Variants in EPHX3 observed in about 807,000 individuals in gnomAD.
EPHX3 encodes the protein abhydrolase domain containing 9.
A neutral mutation model predicts 40.2 loss-of-function variants in EPHX3; 39 were observed. The observed-to-expected ratio is 0.97, with a 90% confidence interval of 0.75 to 1.27. The LOEUF is 1.27. Ranked by LOEUF, EPHX3 falls within the 50% of genes most tolerant of loss-of-function variation. The pLI, the probability that EPHX3 is intolerant of heterozygous loss-of-function variation, is 0.00. For synonymous variants in EPHX3, 213 were observed against 209.7 expected, an observed-to-expected ratio of 1.02 and a Z score of -0.14; for missense variants, 442 against 474.0, an observed-to-expected ratio of 0.93 and a Z score of 0.63.
Position 15,228,032 on chromosome 19 carries a change from G to C in EPHX3, c.685C>G (p.Leu229Val). Residue 229 changes from leucine (L) to valine (V), a missense_variant, in exon 5 of 7, where the codon CTG becomes GTG. Physicochemically the swap from Leu to Val is conservative, Grantham distance 32 (BLOSUM62 1). Transcript: ENST00000221730. Reference sequence around the variant, plus strand: ...GACATAGACAGCAGCTTCTCGGGCAGCCAGGGCAGCTGGAACAGGAACATG... The same window carrying C: ...GACATAGACAGCAGCTTCTCGGGCACCCAGGGCAGCTGGAACAGGAACATG... ...HYMFLFQLPWLPEKLLSMSDF... is the reference protein window; with the variant it reads ...HYMFLFQLPWVPEKLLSMSDF... 1 of 1,585,566 alleles carries C rather than the reference G, an allele frequency of 6.3e-7. No homozygotes were observed. Among genetic ancestry groups the C allele is most frequent in the Non-Finnish European group, 8.6e-7 (1 of 1,162,966 alleles).
chr19:15,236,403 T>C (rs2047192204), upstream of EPHX3: 2 of 151,976 alleles, frequency 1.3e-5, no homozygotes, highest in Non-Finnish European at 1.5e-5. Context: ...GATGTAGACT[T>C]ATATCTAAGA....
intron 4 of EPHX3, among the ~76,000 whole-genome samples, chr19:15,229,366 G>T (rs2145481079): frequency 6.6e-6 from 1 of 152,014 alleles, no homozygotes; most frequent in South Asian, 2.1e-4. Context: ...TTGGGAGGCT[G>T]AGGCCGGCAG....
At chr19:15,229,391 G>T (rs1293822235) in intron 4 of EPHX3, among the ~76,000 whole-genome samples, 1 of 151,850 alleles carries the variant, frequency 6.6e-6, no homozygotes, top group Non-Finnish European at 1.5e-5. Context: ...CTTGAGCCCA[G>T]GAGTTCAAGA....
rs143850888 is a variant in EPHX3 at position 15,227,641 on chromosome 19, C to T, written c.879G>A (p.Gln293=). 1.9e-4 allele frequency: 307 copies of T among 1,614,070 alleles called. No individual in the cohort carries two copies. The African/African-American group carries it at 3.7e-3, about 19-fold the overall frequency. The part of the protein sequence containing the change: ...NLFRNFPLEP[Q]ELTTPTLLLW... ...GCAGCAATGTGGGTGTGGTCAGCTCCTGGGGTTCCAGGGGGAAGTTCCTGT... is the reference window on the plus strand; with the variant it reads ...GCAGCAATGTGGGTGTGGTCAGCTCTTGGGGTTCCAGGGGGAAGTTCCTGT... The change falls in exon 7 of 7, where the codon CAG becomes CAA. Residue 293 remains glutamine (Q), a synonymous_variant. Transcript: ENST00000221730.
At chr19:15,231,924 A>G (rs1470569650) in intron 1 of EPHX3, 45 bp downstream of exon 1, 1 of 1,612,200 alleles carries the variant, frequency 6.2e-7, no homozygotes, top group Non-Finnish European at 8.5e-7. Context: ...AACCGTCTCG[A>G]CCCCACGCGA....
chr19:15,230,457 C>T (rs1204167279), intron 4 of EPHX3, among the ~76,000 whole-genome samples: 1 of 152,080 alleles, frequency 6.6e-6, no homozygotes, highest in East Asian at 1.9e-4. Flanking sequence ...AGGCAGGAGC[C>T]ACCACGCCTG....
Position 15,227,608 on chromosome 19 carries a change from C to T in EPHX3, c.912G>A (p.Gly304=), listed in dbSNP as rs772241557. 3.7e-6 allele frequency: 6 copies of T among 1,613,968 alleles called. No individual in the cohort carries two copies. In the Admixed American group the frequency reaches 5.0e-5, roughly 13 times the overall value. The change falls in exon 7 of 7, where the codon GGG becomes GGA. Residue 304 remains glycine (G), a synonymous_variant. Coordinates refer to ENST00000221730, the MANE Select transcript of EPHX3 (RefSeq NM_024794.3). ...ELTTPTLLLW[G]EKDTYLELGL... ...CCAGCTCCAAGTAAGTGTCCTTCTC[C>T]CCCCACAGCAGCAATGTGGGTGTGG...
At position 15,227,450 on chromosome 19, in the gene EPHX3, T is replaced by C; in HGVS notation, c.1070A>G (p.Asp357Gly). Residue 357 changes from aspartate to glycine, a missense_variant, in exon 7 of 7, where the codon GAC becomes GGC. Coordinates refer to ENST00000221730, the MANE Select transcript of EPHX3 (RefSeq NM_024794.3). ...CAGCAAGGACCACTAGTCCAGCAGG[T>C]CTTGCAAGAAGGCCCACATGTACTG... ...MHQYMWAFLQ[D>G]LLD 2 of 1,613,950 alleles carry C rather than the reference T, an allele frequency of 1.2e-6. No individual in the cohort carries two copies. The highest frequency in any genetic ancestry group is 1.7e-6 in the Non-Finnish European group (2 of 1,179,914).
upstream of EPHX3, chr19:15,232,517 T>A: frequency 9.9e-7 from 1 of 1,014,178 alleles, no homozygotes; most frequent in East Asian, 4.7e-5. Context: ...TAGCAGGTCC[T>A]GTGCGGGGCT....
intron 1 of EPHX3, 38 bp from the exon 2 acceptor site, chr19:15,231,899 C>G (rs1191859518): frequency 6.2e-7 from 1 of 1,612,842 alleles, no homozygotes; most frequent in Non-Finnish European, 8.5e-7. Context: ...GGGGAACCCT[C>G]TCTCCCGAGG....
Position 15,227,389 on chromosome 19 carries a change from T to C in EPHX3, c.*48A>G, listed in dbSNP as rs747806786. The C allele has an allele frequency of 2.0e-6, 3 of 1,467,466 alleles. No homozygotes were observed. Among genetic ancestry groups the C allele is most frequent in the South Asian group, 1.1e-5 (1 of 87,864 alleles). The allele number at this position is 1,467,466 out of a possible 1,614,324, so 90.9% of individuals were successfully genotyped here. On this transcript the variant is annotated 3_prime_UTR_variant, in exon 7 of 7. Coordinates refer to ENST00000221730, the MANE Select transcript of EPHX3 (RefSeq NM_024794.3). ...CAGGCACACACAGATAATGGGTGTG[T>C]GTTCCTTCCTGAGTATCCATGCCTC...
Position 15,232,096 on chromosome 19 carries a change from T to C in EPHX3, c.116A>G (p.Tyr39Cys). 2 of 1,554,922 alleles carry C rather than the reference T, an allele frequency of 1.3e-6. No homozygotes were observed. The highest frequency in any genetic ancestry group is 2.3e-5 in the South Asian group (2 of 86,196). ...FSVALVAAAV[Y>C]GCIALTHVLC... Reference sequence around the variant, plus strand: ...CACGTGCGTGAGCGCTATGCAGCCGTAGACCGCCGCGGCCACCAGCGCCAC... The same window carrying C: ...CACGTGCGTGAGCGCTATGCAGCCGCAGACCGCCGCGGCCACCAGCGCCAC... Residue 39 changes from tyrosine to cysteine, a missense_variant, in exon 1 of 7, where the codon TAC (tyrosine) becomes TGC (cysteine). Coordinates refer to ENST00000221730, the MANE Select transcript of EPHX3 (RefSeq NM_024794.3).
chr19:15,232,599 G>A (rs2047163939), upstream of EPHX3, among the ~76,000 whole-genome samples: 1 of 152,030 alleles, frequency 6.6e-6, no homozygotes, highest in Admixed American at 6.5e-5. Context: ...ATTCCGGGCC[G>A]GGTGCGGTGG....
upstream of EPHX3, chr19:15,232,477 T>C: frequency 7.8e-7 from 1 of 1,279,556 alleles, no homozygotes; most frequent in South Asian, 2.1e-5. Flanking sequence ...AGGAAGAGGT[T>C]GGAAAGGGGG....
chr19:15,235,187 A>G (rs936701953), upstream of EPHX3, among the ~76,000 whole-genome samples: 1 of 152,026 alleles, frequency 6.6e-6, no homozygotes, highest in Non-Finnish European at 1.5e-5. Context: ...ATTTTTCAGT[A>G]GAGATGGGAG....
chr19:15,231,227 G>A lies in EPHX3; in HGVS notation c.487+12C>T. The A allele has an allele frequency of 6.2e-7, 1 of 1,613,868 alleles. No homozygotes were observed. ...GAGGGAGGCCACGCCTAGGATGGGG[G>A]TATGTCTGCACCCAGGCCTAGGATG... On this transcript the variant is annotated intron_variant, in intron 3 of 6. Transcript: ENST00000221730.
rs1399152253 is a variant in EPHX3 at position 15,232,432 on chromosome 19, G to A, written c.-221C>T. 1 of 1,351,650 alleles carries A rather than the reference G, an allele frequency of 7.4e-7. No homozygotes were observed. 83.7% of individuals were successfully genotyped at this position (1,351,650 alleles called of 1,614,324 possible). On this transcript the variant is annotated 5_prime_UTR_variant, in exon 1 of 7. Transcript: ENST00000221730. ...CCAGGTAAACACCTGGGCGCGACAG[G>A]GACAGGAAACAAGGGTAGGGTGCGG... is the stretch of plus-strand genomic sequence containing the variant.
At chr19:15,228,503 ATTTTTTTTTTTTTTTTTT>A (rs780716729) in intron 4 of EPHX3, among the ~76,000 whole-genome samples, 8 of 62,700 alleles carry the variant, frequency 1.3e-4, no homozygotes, top group Admixed American at 7.6e-4. Context: ...TGTATCTATA[ATTTTTTTTTTTTTTTTTT>A]TTTTTTTTTT....
upstream of EPHX3, among the ~76,000 whole-genome samples, chr19:15,234,934 C>T (rs1158441923): frequency 6.6e-6 from 1 of 152,186 alleles, no homozygotes; most frequent in Non-Finnish European, 1.5e-5. Flanking sequence ...TTTGTTCTCC[C>T]TGGACTACTT....
Sources: allele counts gnomAD v4.1 joint callset (sites outside exome capture counted in the v4.1 genomes callset), GRCh38; gene constraint gnomAD v4.1.1; transcripts MANE v1.5; gene names NCBI Gene and HGNC (gene_info 2026-07-23, HGNC 2026-07-21).